Variants in PRKN observed in about 807,000 individuals in gnomAD.
The protein encoded by PRKN is E3 ubiquitin-protein ligase parkin.
Under a neutral mutation model 59.5 loss-of-function variants are expected in PRKN, and 56 were observed. That is an observed-to-expected ratio of 0.94 (90% CI 0.76 to 1.18). The LOEUF (loss-of-function observed/expected upper bound fraction) is 1.18, where lower values mean the gene tolerates loss of function less well. Among genes scored for constraint, PRKN ranks in the 50% most tolerant of loss-of-function variants. PRKN has a pLI of 0.00. For synonymous variants in PRKN, 250 were observed against 222.1 expected (o/e 1.13, Z -1.12); for missense variants, 657 against 596.4 (o/e 1.10, Z -1.06).
In PRKN at chr6:161,410,739, T is replaced by C. The variant is rs141016794; in HGVS notation, c.1084-23862A>G. On this transcript the variant is annotated intron_variant, in intron 9 of 11. Transcript: ENST00000366898. This position sits in a 1 kb window ranked among gnomAD's most constrained non-coding sequence, Gnocchi z 5.3. Reference sequence around the variant, plus strand: ...CTGTGAGGGAGGGGCAACAGTGCCATGGGAAATGCATCATTGGTGCTCATG... The same window carrying C: ...CTGTGAGGGAGGGGCAACAGTGCCACGGGAAATGCATCATTGGTGCTCATG... 3.9e-5 allele frequency among the ~76,000 whole-genome samples: 6 copies of C among 152,132 alleles called. No homozygotes were observed. In the East Asian group the frequency reaches 1.2e-3, roughly 29 times the overall value.
intron 4 of PRKN, among the ~76,000 whole-genome samples, chr6:162,110,588 T>C (rs1394324025): frequency 1.3e-5 from 2 of 152,178 alleles, no homozygotes; most frequent in East Asian, 3.9e-4. Context: ...TGGGCAGAAA[T>C]AGAAATGAAT....
chr6:161,380,849 G>A (rs56894880), intron 10 of PRKN, among the ~76,000 whole-genome samples: 1,897 of 152,240 alleles, frequency 0.012, 43 homozygotes, highest in African/African-American at 0.044. Flanking sequence ...TGGAAGGCCT[G>A]GTACCATTGG....
chr6:161,496,109 T>C (rs1448540350), intron 9 of PRKN, among the ~76,000 whole-genome samples: 2 of 152,254 alleles, frequency 1.3e-5, no homozygotes, highest in African/African-American at 4.8e-5. Context: ...AGGCTTAACA[T>C]GTAAGTGATG....
At chr6:162,346,319 G>A (rs1009572435) in intron 2 of PRKN, among the ~76,000 whole-genome samples, 2 of 151,900 alleles carry the variant, frequency 1.3e-5, no homozygotes, top group African/African-American at 4.8e-5. Flanking sequence ...TTTTCTATTA[G>A]ATTAATGAAA....
intron 8 of PRKN, among the ~76,000 whole-genome samples, chr6:161,558,795 T>C (rs936023047): frequency 6.6e-6 from 1 of 152,038 alleles, no homozygotes; most frequent in Non-Finnish European, 1.5e-5. Flanking sequence ...TTGTCAGTAA[T>C]CTTCATCTTC....
intron 1 of PRKN, among the ~76,000 whole-genome samples, chr6:162,555,731 C>A (rs1305215747): frequency 6.6e-6 from 1 of 152,066 alleles, no homozygotes; most frequent in East Asian, 1.9e-4. Context: ...TGGCTCACGG[C>A]TGTAATCCCA....
rs1359047262 is a variant in PRKN at position 161,378,739 on chromosome 6, G to A, written c.1167+8055C>T. 6.6e-6 allele frequency among the ~76,000 whole-genome samples: 1 copy of A among 152,206 alleles called. No homozygotes were observed. Among genetic ancestry groups the A allele is most frequent in the Non-Finnish European group, 1.5e-5 (1 of 68,038 alleles). On this transcript the variant is annotated intron_variant, in intron 10 of 11. Transcript: ENST00000366898. This position sits in a 1 kb window ranked among gnomAD's most constrained non-coding sequence, Gnocchi z 7.3. ...ACCAGGCTTGCACGATGCCGCTGGA[G>A]CTGCACTGTGATGTGGGCGCTATCC...
At chr6:161,435,070 A>T (rs114914735) in intron 9 of PRKN, among the ~76,000 whole-genome samples, 4,963 of 152,216 alleles carry the variant, frequency 0.033, 249 homozygotes, top group African/African-American at 0.11. Context: ...TTTTTGTTCC[A>T]CTGGTAACTA....
At chr6:161,556,297 T>C (rs1780236005) in intron 8 of PRKN, among the ~76,000 whole-genome samples, 1 of 152,180 alleles carries the variant, frequency 6.6e-6, no homozygotes, top group Non-Finnish European at 1.5e-5. Context: ...TTTCTGATGA[T>C]TAAAAAGTAC....
At chr6:162,699,256 A>C (rs1185931371) in intron 1 of PRKN, among the ~76,000 whole-genome samples, 1 of 152,114 alleles carries the variant, frequency 6.6e-6, no homozygotes. Context: ...GCCTTTCTAT[A>C]ATCTTATTGA....
chr6:161,396,659 C>T lies in PRKN; in HGVS notation c.1084-9782G>A, dbSNP rs66515020. 0.16 allele frequency among the ~76,000 whole-genome samples: 24,705 copies of T among 152,160 alleles called. 2,090 individuals carry two copies. Among genetic ancestry groups the T allele is most frequent in the South Asian group, 0.24 (1,176 of 4,816 alleles). On this transcript the variant is annotated intron_variant, in intron 9 of 11. Coordinates refer to ENST00000366898, the MANE Select transcript of PRKN (RefSeq NM_004562.3). The surrounding 1 kb of genome is among the most constrained non-coding windows in gnomAD (Gnocchi z 5.4). ...TTATCATTTACAATCTGCAGCAAGG[C>T]ACTAGACTCTGTAGAAATGATTACG...
intron 3 of PRKN, among the ~76,000 whole-genome samples, chr6:162,214,038 T>C (rs2128076174): frequency 6.6e-6 from 1 of 152,070 alleles, no homozygotes; most frequent in East Asian, 1.9e-4. Context: ...CTCAATGCTG[T>C]TAGGGAGTGA....
chr6:161,680,732 T>TATAC (rs1785288280), intron 7 of PRKN, among the ~76,000 whole-genome samples: 1 of 8,024 alleles, frequency 1.2e-4, no homozygotes, highest in Admixed American at 2.6e-3. Flanking sequence ...AATACATATA[T>TATAC]ATATATATAT....
chr6:161,487,016 T>C lies in PRKN; in HGVS notation c.1083+61838A>G, dbSNP rs1937116441. Among the ~76,000 whole-genome samples the C allele has an allele frequency of 6.6e-6, 1 of 152,096 alleles. No homozygotes were observed. The highest frequency in any genetic ancestry group is 6.5e-5 in the Admixed American group (1 of 15,268). On this transcript the variant is annotated intron_variant, in intron 9 of 11. Transcript: ENST00000366898. This position sits in a 1 kb window ranked among gnomAD's most constrained non-coding sequence, Gnocchi z 5.3. Reference sequence around the variant, plus strand: ...GAGTTTAGGGGAGGTGTAGCTCGTCTTCATGGAGGTTAGGGGCAAGTGAGT... The same window carrying C: ...GAGTTTAGGGGAGGTGTAGCTCGTCCTCATGGAGGTTAGGGGCAAGTGAGT...
At chr6:162,628,092 G>C (rs925626744) in intron 1 of PRKN, among the ~76,000 whole-genome samples, 2 of 152,148 alleles carry the variant, frequency 1.3e-5, no homozygotes, top group African/African-American at 4.8e-5. Flanking sequence ...GAAGTCATTG[G>C]AGGAAAATTT....
chr6:162,163,249 A>T (rs1330836949), intron 4 of PRKN, among the ~76,000 whole-genome samples: 1 of 149,182 alleles, frequency 6.7e-6, no homozygotes, highest in Non-Finnish European at 1.5e-5. Flanking sequence ...GACAGGAATC[A>T]CAGGACATCT....
At chr6:162,666,071 CA>C (rs1398620922) in intron 1 of PRKN, among the ~76,000 whole-genome samples, 1 of 152,054 alleles carries the variant, frequency 6.6e-6, no homozygotes, top group Non-Finnish European at 1.5e-5. Flanking sequence ...AACCTCAAAC[CA>C]TAAAAACCCT....
intron 2 of PRKN, among the ~76,000 whole-genome samples, chr6:162,354,249 C>A (rs945266418): frequency 1.3e-5 from 2 of 152,046 alleles, no homozygotes; most frequent in African/African-American, 4.8e-5. Context: ...TATCATACCT[C>A]GGTATTTAAA....
At chr6:161,743,298 C>A (rs1280054653) in intron 7 of PRKN, among the ~76,000 whole-genome samples, 1 of 143,854 alleles carries the variant, frequency 7.0e-6, no homozygotes, top group East Asian at 2.1e-4. Flanking sequence ...CGGCTCACTG[C>A]AAGCTCCGCC....
Sources: gnomAD v4.1 joint callset for allele counts (sites outside exome capture counted in the v4.1 genomes callset) on GRCh38, gnomAD v4.1.1 for gene constraint, Gnocchi (gnomAD v3.1) non-coding constraint, MANE v1.5 for transcripts, NCBI Gene and HGNC (gene_info 2026-07-23, HGNC 2026-07-21) for gene names.